EFHC2: variants seen among roughly 807,000 people sequenced by gnomAD.
The protein encoded by EFHC2 is EF-hand domain-containing family member C2.
A neutral mutation model predicts 52.7 loss-of-function variants in EFHC2; 18 were observed. That is an observed-to-expected ratio of 0.34 (90% CI 0.24 to 0.51). The LOEUF (loss-of-function observed/expected upper bound fraction) is 0.51. Among genes scored for constraint, EFHC2 ranks in the 20% least tolerant of loss-of-function variants. EFHC2 has a pLI of 0.97. For missense variants in EFHC2, 513 were observed against 562.5 expected (o/e 0.91, Z 0.89); for synonymous variants, 203 against 204.1 (o/e 0.99, Z 0.04).
At chrX:44,272,207 T>C (rs2037622691) in intron 3 of EFHC2, among the ~76,000 whole-genome samples, 1 of 111,835 alleles carries the variant, frequency 8.9e-6, no homozygotes, top group Non-Finnish European at 1.9e-5. Context: ...GACTCTCTGG[T>C]GAGGTACCAT....
At chrX:44,156,612 A>C (rs1050612326) in intron 14 of EFHC2, among the ~76,000 whole-genome samples, 1 of 112,282 alleles carries the variant, frequency 8.9e-6, no homozygotes, top group African/African-American at 3.2e-5. Flanking sequence ...ATTGTGAAAG[A>C]GAGTGCTTTA....
chrX:44,176,205 T>C (rs755854300), intron 13 of EFHC2, 87 bp downstream of exon 13: 1 of 703,434 alleles, frequency 1.4e-6, no homozygotes, highest in Middle Eastern at 2.9e-4. Context: ...AAATCAAGGG[T>C]AATTAAAGGG....
Position 44,164,034 on chromosome X carries a change from ATATAAT to A in EFHC2, c.2043-13_2043-8del, listed in dbSNP as rs2036677656. ...TTTTTCACTGTCTTCAAACCTGAAA[ATATAAT>A]TATAATATATAATTTGACTCAATCT... On this transcript the variant is annotated splice_polypyrimidine_tract_variant and splice_region_variant and intron_variant, in intron 13 of 14. Coordinates refer to ENST00000420999, the MANE Select transcript of EFHC2 (RefSeq NM_025184.4). 7 of 1,044,595 alleles carry A rather than the reference ATATAAT, an allele frequency of 6.7e-6. No individual in the cohort carries two copies. Among genetic ancestry groups the A allele is most frequent in the Middle Eastern group, 3.7e-4 (1 of 2,684 alleles). The allele number at this position is 1,044,595 out of a possible 1,213,427, so 86.1% of individuals were successfully genotyped here.
chrX:44,216,411 T>G (rs962702487), intron 11 of EFHC2, among the ~76,000 whole-genome samples: 1 of 111,973 alleles, frequency 8.9e-6, no homozygotes, highest in Admixed American at 9.5e-5. Context: ...CATAGCATAG[T>G]AGCCTCAAGG....
At chrX:44,153,108 T>C (rs1197525903) in intron 14 of EFHC2, among the ~76,000 whole-genome samples, 1 of 112,050 alleles carries the variant, frequency 8.9e-6, no homozygotes, top group African/African-American at 3.2e-5. Flanking sequence ...TTTGTATTTT[T>C]TGAGCAAGGA....
At chrX:44,178,861 A>T (rs1177629967) in intron 11 of EFHC2, among the ~76,000 whole-genome samples, 1 of 112,414 alleles carries the variant, frequency 8.9e-6, no homozygotes, top group African/African-American at 3.2e-5. Context: ...AAGGCTTTGA[A>T]TGGTCAAAAA....
intron 2 of EFHC2, among the ~76,000 whole-genome samples, chrX:44,291,768 T>C (rs1156328850): frequency 1.8e-5 from 2 of 112,443 alleles, no homozygotes; most frequent in Non-Finnish European, 3.8e-5. Context: ...TATGTATATA[T>C]AACAGCTTTG....
At chrX:44,340,620 C>T (rs943323820) in intron 1 of EFHC2, among the ~76,000 whole-genome samples, 1 of 111,559 alleles carries the variant, frequency 9.0e-6, no homozygotes, top group Admixed American at 9.5e-5. Context: ...GATTGCACCA[C>T]TGCACTCCAG....
At chrX:44,164,126 G>T in intron 13 of EFHC2, 99 bp from the exon 14 acceptor site, 1 of 439,819 alleles carries the variant, frequency 2.3e-6, no homozygotes, top group South Asian at 6.2e-5. Flanking sequence ...TACCATATAT[G>T]CTTCAATATC....
chrX:44,343,187 T>A (rs1201531268), intron 1 of EFHC2, among the ~76,000 whole-genome samples: 1 of 110,607 alleles, frequency 9.0e-6, no homozygotes, highest in Non-Finnish European at 1.9e-5. Context: ...CAATAGTAAC[T>A]GGGAATAAAA....
intron 2 of EFHC2, chrX:44,309,872 C>T: frequency 8.5e-7 from 1 of 1,176,875 alleles, no homozygotes. Context: ...TTCTTCTTGA[C>T]ACAAGGCATC....
chrX:44,263,541 A>G (rs773766043), intron 3 of EFHC2, among the ~76,000 whole-genome samples: 1 of 112,177 alleles, frequency 8.9e-6, no homozygotes, highest in East Asian at 2.8e-4. Context: ...GGCCTAGAAT[A>G]TTTTTAAATG....
At chrX:44,335,030 G>A (rs1437065855) in intron 1 of EFHC2, among the ~76,000 whole-genome samples, 1 of 110,869 alleles carries the variant, frequency 9.0e-6, no homozygotes, top group Non-Finnish European at 1.9e-5. Flanking sequence ...GGAGTACTAT[G>A]TAACTATAAA....
chrX:44,240,929 T>A (rs2037354671), intron 8 of EFHC2, among the ~76,000 whole-genome samples: 1 of 112,206 alleles, frequency 8.9e-6, no homozygotes, highest in African/African-American at 3.2e-5. Flanking sequence ...AAGGACATCA[T>A]GTCATAGCAA....
At chrX:44,239,281 C>CATCT (rs1490153722) in intron 8 of EFHC2, among the ~76,000 whole-genome samples, 1 of 111,994 alleles carries the variant, frequency 8.9e-6, no homozygotes, top group Non-Finnish European at 1.9e-5. Flanking sequence ...GGTGAGAAGT[C>CATCT]ATCTGTCTCT....
chrX:44,331,677 G>T (rs2038087413), intron 1 of EFHC2, among the ~76,000 whole-genome samples: 1 of 111,964 alleles, frequency 8.9e-6, no homozygotes, highest in Admixed American at 9.5e-5. Flanking sequence ...AACACTTCGG[G>T]GGGCCGAGGC....
intron 11 of EFHC2, among the ~76,000 whole-genome samples, chrX:44,200,630 G>T (rs1231312249): frequency 9.0e-6 from 1 of 111,345 alleles, no homozygotes; most frequent in Non-Finnish European, 1.9e-5. Flanking sequence ...AAGACATGGA[G>T]AAAAAAGAGG....
At chrX:44,186,242 G>A (rs2036873376) in intron 11 of EFHC2, among the ~76,000 whole-genome samples, 1 of 112,253 alleles carries the variant, frequency 8.9e-6, no homozygotes, top group African/African-American at 3.2e-5. Context: ...CTTCATAGAA[G>A]TATAATTTTA....
At chrX:44,160,143 C>T (rs910286683) in intron 14 of EFHC2, among the ~76,000 whole-genome samples, 1 of 111,773 alleles carries the variant, frequency 8.9e-6, no homozygotes, top group African/African-American at 3.3e-5. Context: ...AGGTCCACAG[C>T]TCGATACCTG....
Sources: allele counts gnomAD v4.1 joint callset (sites outside exome capture counted in the v4.1 genomes callset), GRCh38; gene constraint gnomAD v4.1.1; transcripts MANE v1.5; gene names NCBI Gene and HGNC (gene_info 2026-07-23, HGNC 2026-07-21).